Variants in MAST4 observed in about 807,000 individuals in gnomAD.
The protein encoded by MAST4 is microtubule-associated serine/threonine-protein kinase 4.
In MAST4, 89 loss-of-function variants were observed where a neutral mutation model predicts 162.7. The ratio of observed to expected loss-of-function variants is 0.55; its 90% CI spans 0.46 to 0.65. MAST4 has a LOEUF of 0.65. MAST4 is among the 30% of genes least tolerant of loss of function. MAST4 has a pLI of 0.00. For missense variants in MAST4, 3,153 were observed against 3,374.0 expected, an observed-to-expected ratio of 0.93 and a Z score of 1.62; for synonymous variants, 1,479 against 1,361.1, an observed-to-expected ratio of 1.09 and a Z score of -1.91.
At chr5:66,719,468 A>G (rs548893456) in intron 1 of MAST4, among the ~76,000 whole-genome samples, 1 of 152,350 alleles carries the variant, frequency 6.6e-6, no homozygotes, top group South Asian at 2.1e-4. Flanking sequence ...TGGGTTATAC[A>G]TTATTGTAAA....
intron 1 of MAST4, among the ~76,000 whole-genome samples, chr5:66,629,431 C>T (rs1201436355): frequency 3.9e-5 from 6 of 152,168 alleles, no homozygotes; most frequent in Admixed American, 3.3e-4. Flanking sequence ...CTTTTTCTTT[C>T]CATTCCCTGC....
intron 4 of MAST4, among the ~76,000 whole-genome samples, chr5:67,042,412 A>G (rs749112133): frequency 6.6e-6 from 1 of 152,220 alleles, no homozygotes; most frequent in Non-Finnish European, 1.5e-5. Flanking sequence ...CTTGTGGCCA[A>G]TTTCATCTTT....
rs576455985 is a variant in MAST4 at position 67,106,604 on chromosome 5, G to A, written c.1356+2029G>A. Among the ~76,000 whole-genome samples, 4 of 152,144 alleles carry A rather than the reference G, an allele frequency of 2.6e-5. No homozygotes were observed. In the East Asian group the frequency reaches 7.7e-4, roughly 29 times the overall value. ...CTCAGACCCTCATCCTCACCTATCT[G>A]CCTCCCTCCAGTCTTAACTCTTCAA... On this transcript the variant is annotated intron_variant, in intron 10 of 28. Coordinates refer to ENST00000403625, the MANE Select transcript of MAST4 (RefSeq NM_001164664.2).
intron 1 of MAST4, among the ~76,000 whole-genome samples, chr5:66,714,754 C>T (rs181131250): frequency 3.9e-5 from 6 of 152,218 alleles, no homozygotes; most frequent in East Asian, 3.9e-4. Context: ...GTTGCTTTGC[C>T]GCACACTGAG....
At chr5:66,728,890 G>C (rs1002811341) in intron 1 of MAST4, among the ~76,000 whole-genome samples, 3 of 152,196 alleles carry the variant, frequency 2.0e-5, no homozygotes, top group Admixed American at 1.3e-4. Context: ...TGTCCCTTCT[G>C]TCTGGGTCCC....
chr5:67,123,431 A>G (rs1467595729), intron 14 of MAST4, among the ~76,000 whole-genome samples: 1 of 152,236 alleles, frequency 6.6e-6, no homozygotes, highest in Non-Finnish European at 1.5e-5. Flanking sequence ...TTAGTGCTTT[A>G]TAGAAAGCTG....
At chr5:66,781,425 A>C (rs568544405) in intron 2 of MAST4, among the ~76,000 whole-genome samples, 65 of 152,360 alleles carry the variant, frequency 4.3e-4, no homozygotes, top group African/African-American at 1.4e-3. Flanking sequence ...TTGGCAACAG[A>C]GCCTGTGCCC....
intron 12 of MAST4, among the ~76,000 whole-genome samples, chr5:67,115,813 T>C (rs1766828000): frequency 6.6e-6 from 1 of 152,202 alleles, no homozygotes; most frequent in Non-Finnish European, 1.5e-5. Flanking sequence ...ACAAATAATA[T>C]GTATTTTTCA....
chr5:67,036,388 C>T (rs553140806), intron 4 of MAST4, among the ~76,000 whole-genome samples: 11 of 152,270 alleles, frequency 7.2e-5, no homozygotes, highest in South Asian at 2.1e-4. Context: ...TACCTACATT[C>T]ATACTCCCAT....
chr5:66,945,638 G>A (rs1743937410), intron 4 of MAST4, among the ~76,000 whole-genome samples: 1 of 152,120 alleles, frequency 6.6e-6, no homozygotes, highest in Non-Finnish European at 1.5e-5. Context: ...TCTGCTGGAG[G>A]TAGGTGAAGG....
intron 1 of MAST4, among the ~76,000 whole-genome samples, chr5:66,626,198 G>A (rs1421723046): frequency 1.3e-5 from 2 of 152,078 alleles, no homozygotes; most frequent in South Asian, 2.1e-4. Context: ...ACAGCATGTC[G>A]AAGATAATAT....
Position 66,726,076 on chromosome 5 carries a change from G to A in MAST4, c.364-33633G>A, listed in dbSNP as rs185895921. ...AGATGTACACATAAGTTAGATTATA[G>A]TAATAAGGGGAAAAAAGAGAAACCA... On this transcript the variant is annotated intron_variant, in intron 1 of 28. Transcript: ENST00000403625. Among the ~76,000 whole-genome samples, 499 of 151,948 alleles carry A rather than the reference G, an allele frequency of 3.3e-3. 11 individuals are homozygous for A. The highest frequency in any genetic ancestry group is 0.027 in the Admixed American group (418 of 15,226).
At chr5:66,979,310 G>A (rs1176355772) in intron 4 of MAST4, among the ~76,000 whole-genome samples, 1 of 152,246 alleles carries the variant, frequency 6.6e-6, no homozygotes, top group East Asian at 1.9e-4. Context: ...TTAAAATTGT[G>A]AGTAGCGGGG....
chr5:66,652,013 G>C (rs1310417985), intron 1 of MAST4, among the ~76,000 whole-genome samples: 1 of 152,136 alleles, frequency 6.6e-6, no homozygotes, highest in Non-Finnish European at 1.5e-5. Context: ...CAAGTCACTA[G>C]GTCCAGCCCA....
At chr5:66,860,763 A>G (rs1226209913) in intron 3 of MAST4, among the ~76,000 whole-genome samples, 1 of 113,742 alleles carries the variant, frequency 8.8e-6, no homozygotes, top group East Asian at 2.4e-4. Context: ...ACTTAAAAAA[A>G]CAAAACCAAA....
At chr5:66,740,798 C>T (rs752450133) in intron 1 of MAST4, among the ~76,000 whole-genome samples, 12 of 152,224 alleles carry the variant, frequency 7.9e-5, no homozygotes, top group South Asian at 2.1e-4. Context: ...GTGCTGCCTG[C>T]GGGAATATGG....
chr5:66,640,264 T>C (rs1259122925), intron 1 of MAST4, among the ~76,000 whole-genome samples: 2 of 152,198 alleles, frequency 1.3e-5, no homozygotes, highest in Non-Finnish European at 2.9e-5. Flanking sequence ...TGAGGGCTAA[T>C]ATTCCACTAT....
intron 1 of MAST4, among the ~76,000 whole-genome samples, chr5:66,613,317 T>TA (rs1393166916): frequency 7.4e-6 from 1 of 134,842 alleles, no homozygotes; most frequent in East Asian, 2.2e-4. Context: ...ATTTATCAGA[T>TA]AACCCTTTTT....
At chr5:67,110,703 T>C (rs1232107502) in intron 11 of MAST4, among the ~76,000 whole-genome samples, 1 of 152,224 alleles carries the variant, frequency 6.6e-6, no homozygotes, top group African/African-American at 2.4e-5. Context: ...AATGAGACTT[T>C]TATAGATGAT....
Sources: allele counts gnomAD v4.1 joint callset (sites outside exome capture counted in the v4.1 genomes callset), GRCh38; gene constraint gnomAD v4.1.1; transcripts MANE v1.5; gene names NCBI Gene and HGNC (gene_info 2026-07-23, HGNC 2026-07-21).